The following ZBTB49 variants were observed in gnomAD, a reference collection of about 807,000 sequenced individuals.
ZBTB49 encodes the protein zinc finger and BTB domain containing 49.
ZBTB49 carries 43 observed loss-of-function variants against 57.5 expected under a neutral mutation model. The ratio of observed to expected loss-of-function variants is 0.75; its 90% CI spans 0.59 to 0.97. The LOEUF is 0.97. Among genes scored for constraint, ZBTB49 ranks in the 50% least tolerant of loss-of-function variants. ZBTB49 has a pLI of 0.00. For synonymous variants in ZBTB49, 369 were observed against 362.1 expected (o/e 1.02, Z -0.22); for missense variants, 938 against 947.7 (o/e 0.99, Z 0.13).
rs763923209 is a variant in ZBTB49 at position 4,321,277 on chromosome 4, G to A, written c.2259G>A (p.Ala753=). ...FFSSMTLWGL[A]MKTLQNENEL... ...CCAGCATGACTCTCTGGGGGCTAGC[G>A]ATGAAGACGCTGCAGAATGAAAACG... Residue 753 remains alanine, a synonymous_variant, in exon 8 of 8, where the codon GCG becomes GCA. Coordinates refer to ENST00000337872, the MANE Select transcript of ZBTB49 (RefSeq NM_145291.4). 16 of 1,613,396 alleles carry A rather than the reference G, an allele frequency of 9.9e-6. No individual in the cohort carries two copies. In the East Asian group the frequency reaches 1.3e-4, roughly 13 times the overall value.
chr4:4,321,649 A>C lies in ZBTB49; in HGVS notation c.*333A>C. 1 of 284,086 alleles carries C rather than the reference A, an allele frequency of 3.5e-6. No individual in the cohort carries two copies. Among genetic ancestry groups the C allele is most frequent in the Non-Finnish European group, 6.6e-6 (1 of 152,026 alleles). 17.6% of individuals were successfully genotyped at this position (284,086 alleles called of 1,614,324 possible). A position where few individuals can be genotyped will look rare whatever the true frequency, so the allele number is the denominator to read the frequency against. On this transcript the variant is annotated 3_prime_UTR_variant, in exon 8 of 8. Coordinates refer to ENST00000337872, the MANE Select transcript of ZBTB49 (RefSeq NM_145291.4). ...GTTGGTCATGTGAAAGGAATTATAT[A>C]TGTATAGTATTACAAGTATTTTTGC...
rs1720508681 is a variant in ZBTB49 at position 4,302,225 on chromosome 4, G to A, written c.389G>A (p.Cys130Tyr). The A allele has an allele frequency of 6.2e-7, 1 of 1,614,238 alleles. No homozygotes were observed. The highest frequency in any genetic ancestry group is 8.5e-7 in the Non-Finnish European group (1 of 1,180,044). ...ATVVQPPGMP[C>Y]NSTLSLQSTL... ...GTAGTACAGCCACCTGGCATGCCTT[G>A]TAATAGTACATTGTCTCTACAAAGC... Residue 130 changes from cysteine (C) to tyrosine (Y), a missense_variant, in exon 3 of 8, where the codon TGT becomes TAT. Transcript: ENST00000337872.
At chr4:4,306,038 G>A in intron 3 of ZBTB49, 100 bp from the exon 4 acceptor site, 2 of 890,586 alleles carry the variant, frequency 2.2e-6, no homozygotes, top group South Asian at 1.5e-5. Context: ...GATGCAGAAT[G>A]TAATGCCATT....
At chr4:4,313,722 A>T (rs1334910486) in intron 5 of ZBTB49, among the ~76,000 whole-genome samples, 1 of 152,226 alleles carries the variant, frequency 6.6e-6, no homozygotes, top group Non-Finnish European at 1.5e-5. Context: ...GCAGGCTGGC[A>T]CCCTCGACCC....
Position 4,315,774 on chromosome 4 carries a change from G to C in ZBTB49, c.1460-35G>C, listed in dbSNP as rs200916995. ...AAGATTTCTGATTAAAATGTTCTCT[G>C]TCCTTCAGCTTAACACCTGTTATGG... On this transcript the variant is annotated intron_variant, in intron 6 of 7. Transcript: ENST00000337872. 1.4e-5 allele frequency: 23 copies of C among 1,613,816 alleles called. No individual in the cohort carries two copies. In the East Asian group the frequency reaches 4.9e-4, roughly 34 times the overall value.
chr4:4,302,422 G>A lies in ZBTB49; in HGVS notation c.586G>A (p.Asp196Asn), dbSNP rs781580869. The change falls in exon 3 of 8, where the codon GAT becomes AAT. Residue 196 changes from aspartate to asparagine, a missense_variant. By Grantham distance (23) the Asp-to-Asn change is conservative. This residue lies in a region of ZBTB49 where 835 missense variants were observed against 819.1 expected (regional missense o/e 1.02). Transcript: ENST00000337872. Reference protein sequence around the residue: ...SAGEISKQAPDTSDGSCTELP... With the variant: ...SAGEISKQAPNTSDGSCTELP... ...AGGTGAAATCTCAAAACAAGCTCCTGATACTTCAGATGGCAGCTGCACAGA... is the reference window on the plus strand; with the variant it reads ...AGGTGAAATCTCAAAACAAGCTCCTAATACTTCAGATGGCAGCTGCACAGA... The A allele has an allele frequency of 1.9e-6, 3 of 1,614,194 alleles. No homozygotes were observed. In the Admixed American group the frequency reaches 5.0e-5, roughly 27 times the overall value.
intron 1 of ZBTB49, among the ~76,000 whole-genome samples, chr4:4,293,534 T>C (rs772976781): frequency 9.2e-5 from 14 of 152,230 alleles, no homozygotes; most frequent in Non-Finnish European, 1.9e-4. Context: ...ATCTTCTCTG[T>C]ATATGGTCAG....
intron 3 of ZBTB49, among the ~76,000 whole-genome samples, chr4:4,304,818 CA>C: frequency 6.6e-6 from 1 of 152,330 alleles, no homozygotes; most frequent in South Asian, 2.1e-4. Context: ...ATGAAGTCCT[CA>C]CCCTGGTGGC....
At chr4:4,320,200 G>A (rs2920197) in intron 7 of ZBTB49, among the ~76,000 whole-genome samples, 63,539 of 152,114 alleles carry the variant, frequency 0.42, 13,415 homozygotes, top group East Asian at 0.48. Context: ...AGGTGCCTAC[G>A]GCACCCATGT....
chr4:4,303,760 C>CTCTCTGTGTGTGTGTG lies in ZBTB49; in HGVS notation c.1255+670_1255+671insCTCTGTGTGTGTGTGT, dbSNP rs1223289249. On this transcript the variant is annotated intron_variant, in intron 3 of 7. Transcript: ENST00000337872. ...TCTCTCTCTCTCTCTCTCTCTCTCTCTGTGTGTGTGTCTCTCTCTCTCTCT... is the reference window on the plus strand; with the variant it reads ...TCTCTCTCTCTCTCTCTCTCTCTCTCTCTCTGTGTGTGTGTGTGTGTGTGTGTCTCTCTCTCTCTCT... Among the ~76,000 whole-genome samples, 997 of 121,364 alleles carry CTCTCTGTGTGTGTGTG rather than the reference C, an allele frequency of 8.2e-3. 14 individuals are homozygous for CTCTCTGTGTGTGTGTG. Among genetic ancestry groups the CTCTCTGTGTGTGTGTG allele is most frequent in the Non-Finnish European group, 9.8e-3 (576 of 58,836 alleles). The allele number at this position is 121,364 out of a possible 152,430, so 79.6% of individuals were successfully genotyped here. A position where few individuals can be genotyped will look rare whatever the true frequency, so the allele number is the denominator to read the frequency against.
intron 4 of ZBTB49, among the ~76,000 whole-genome samples, chr4:4,306,831 G>C (rs866084289): frequency 1.1e-4 from 16 of 152,204 alleles, no homozygotes; most frequent in African/African-American, 3.9e-4. Context: ...CAGTGCCCTG[G>C]GCTTCCAGAG....
At chr4:4,301,703 C>G (rs1452037432) in intron 2 of ZBTB49, among the ~76,000 whole-genome samples, 1 of 152,070 alleles carries the variant, frequency 6.6e-6, no homozygotes, top group Non-Finnish European at 1.5e-5. Context: ...GTTTATCAGT[C>G]ATATAAATGT....
chr4:4,311,213 C>A (rs943091347), intron 4 of ZBTB49, among the ~76,000 whole-genome samples: 1 of 152,126 alleles, frequency 6.6e-6, no homozygotes, highest in Non-Finnish European at 1.5e-5. Flanking sequence ...AACAAGTAAT[C>A]GTTATGCCAT....
chr4:4,320,351 G>A (rs873924), intron 7 of ZBTB49, among the ~76,000 whole-genome samples: 63,505 of 152,008 alleles, frequency 0.42, 13,402 homozygotes, highest in East Asian at 0.48. Flanking sequence ...GCTGTGAGGT[G>A]ACCCCCTCTC....
At chr4:4,315,356 C>T (rs767860665) in intron 5 of ZBTB49, among the ~76,000 whole-genome samples, 2 of 152,094 alleles carry the variant, frequency 1.3e-5, no homozygotes, top group African/African-American at 2.4e-5. Context: ...CTGAACCGTA[C>T]GGTATCTGAT....
At chr4:4,308,525 T>C (rs1473869855) in intron 4 of ZBTB49, among the ~76,000 whole-genome samples, 1 of 152,242 alleles carries the variant, frequency 6.6e-6, no homozygotes, top group African/African-American at 2.4e-5. Flanking sequence ...TGTATTGGTC[T>C]GTGTACTTTT....
intron 3 of ZBTB49, among the ~76,000 whole-genome samples, chr4:4,304,620 T>C (rs1489064662): frequency 6.6e-6 from 1 of 152,172 alleles, no homozygotes; most frequent in Admixed American, 6.5e-5. Flanking sequence ...GATACAGTCA[T>C]GGCAAAGATG....
intron 4 of ZBTB49, among the ~76,000 whole-genome samples, chr4:4,308,052 G>A (rs1720816827): frequency 6.6e-6 from 1 of 152,122 alleles, no homozygotes; most frequent in South Asian, 2.1e-4. Flanking sequence ...GTGATTTGGA[G>A]TGGGGCTTAG....
Position 4,320,799 on chromosome 4 carries a change from A to T in ZBTB49, c.1781A>T (p.Asp594Val). Residue 594 changes from aspartate to valine, a missense_variant, in exon 8 of 8, where the codon GAT (aspartate) becomes GTT (valine). Asp to Val is a radical substitution (Grantham distance 152). Coordinates refer to ENST00000337872, the MANE Select transcript of ZBTB49 (RefSeq NM_145291.4). ...MHCKAGDESP[D>V]VLEELSQAIE... ...TGCAAAGCTGGTGACGAGAGCCCAGATGTGCTGGAGGAGCTCAGCCAAGCC... is the reference window on the plus strand; with the variant it reads ...TGCAAAGCTGGTGACGAGAGCCCAGTTGTGCTGGAGGAGCTCAGCCAAGCC... 1 of 1,614,168 alleles carries T rather than the reference A, an allele frequency of 6.2e-7. No individual in the cohort carries two copies. The highest frequency in any genetic ancestry group is 8.5e-7 in the Non-Finnish European group (1 of 1,180,032).
Sources: allele counts gnomAD v4.1 joint callset (sites outside exome capture counted in the v4.1 genomes callset), GRCh38; gene constraint gnomAD v4.1.1; regional missense constraint gnomAD v4.1.1; transcripts MANE v1.5; gene names NCBI Gene and HGNC (gene_info 2026-07-23, HGNC 2026-07-21).